ROBO2: variants seen among roughly 807,000 people sequenced by gnomAD.
The protein encoded by ROBO2 is roundabout guidance receptor 2, also known as roundabout homolog 2.
In ROBO2, 53 loss-of-function variants were observed where a neutral mutation model predicts 160.8. The ratio of observed to expected loss-of-function variants is 0.33; its 90% CI spans 0.26 to 0.41. The LOEUF (loss-of-function observed/expected upper bound fraction) is 0.41. Ranked by LOEUF, ROBO2 falls within the 10% of genes least tolerant of loss-of-function variation. The probability of loss-of-function intolerance (pLI) is 1.00; values close to 1 mark genes in which losing one functional copy is unlikely to be tolerated. For missense variants in ROBO2, 1,577 were observed against 1,722.4 expected, an observed-to-expected ratio of 0.92 and a Z score of 1.49; for synonymous variants, 664 against 611.7, an observed-to-expected ratio of 1.09 and a Z score of -1.26.
chr3:76,073,046 C>T (rs1371917083), intron 2 of ROBO2, among the ~76,000 whole-genome samples: 1 of 151,990 alleles, frequency 6.6e-6, no homozygotes, highest in East Asian at 1.9e-4. Context: ...TATTTTGTCC[C>T]TATTCTTTCC....
At chr3:76,841,673 T>G (rs150620277) in intron 2 of ROBO2, among the ~76,000 whole-genome samples, 3 of 152,210 alleles carry the variant, frequency 2.0e-5, no homozygotes, top group African/African-American at 7.2e-5. Flanking sequence ...GAGAGGACCA[T>G]TGGTGTTTTG....
At chr3:76,089,743 A>T (rs2069153120) in intron 2 of ROBO2, among the ~76,000 whole-genome samples, 1 of 152,164 alleles carries the variant, frequency 6.6e-6, no homozygotes, top group Non-Finnish European at 1.5e-5. Context: ...ACAGTGAGAA[A>T]CTCAAAGCTT....
rs142543810 is a variant in ROBO2, at chr3:76,780,396, A to G, written c.110-317618A>G. On this transcript the variant is annotated intron_variant, in intron 2 of 26. Transcript: ENST00000487694. ...TGTAGGTTGCTTTTTCATCTTGTTG[A>G]TTGTTTTATTTTCTGTGTAGAAGCT... Among the ~76,000 whole-genome samples the G allele has an allele frequency of 4.0e-5, 6 of 150,414 alleles. No homozygotes were observed. The East Asian group carries it at 1.2e-3, about 30-fold the overall frequency.
At chr3:77,046,533 C>G (rs899399427) in intron 1 of ROBO2, among the ~76,000 whole-genome samples, 1 of 152,140 alleles carries the variant, frequency 6.6e-6, no homozygotes, top group Non-Finnish European at 1.5e-5. Context: ...TTGCACAACT[C>G]TCTTATTGGT....
chr3:76,698,334 C>G (rs1380512060), intron 2 of ROBO2, among the ~76,000 whole-genome samples: 2 of 152,088 alleles, frequency 1.3e-5, no homozygotes, highest in East Asian at 3.9e-4. Context: ...TACTGTGGCT[C>G]TGTTCAGAGA....
chr3:76,539,320 C>A (rs1306290544), intron 2 of ROBO2, among the ~76,000 whole-genome samples: 3 of 151,232 alleles, frequency 2.0e-5, no homozygotes, highest in Non-Finnish European at 4.4e-5. Flanking sequence ...ATGTAACACA[C>A]CTGCCCGTTC....
chr3:76,535,706 G>A (rs1189148134), intron 2 of ROBO2, among the ~76,000 whole-genome samples: 1 of 152,090 alleles, frequency 6.6e-6, no homozygotes, highest in African/African-American at 2.4e-5. Context: ...GAGTGGGGGA[G>A]TTTTAAGAAG....
intron 2 of ROBO2, among the ~76,000 whole-genome samples, chr3:75,975,487 A>G (rs1489102): frequency 2.6e-5 from 4 of 151,272 alleles, no homozygotes; most frequent in Admixed American, 2.6e-4. Context: ...TATTTCAGTT[A>G]GTCTCTGTTT....
intron 2 of ROBO2, among the ~76,000 whole-genome samples, chr3:77,210,924 T>A (rs922767321): frequency 6.6e-6 from 1 of 152,202 alleles, no homozygotes; most frequent in African/African-American, 2.4e-5. Context: ...GAACTTATCA[T>A]TTTTTATGGC....
chr3:77,009,873 GAGGTGGAGGTTGCAGTGAGC>G (rs1463911317), intron 2 of ROBO2, among the ~76,000 whole-genome samples: 72 of 150,380 alleles, frequency 4.8e-4, no homozygotes, highest in African/African-American at 1.7e-3. Context: ...TTGAACCTGG[GAGGTGGAGGTTGCAGTGAGC>G]TGAAGTCGTG....
intron 2 of ROBO2, among the ~76,000 whole-genome samples, chr3:76,859,730 G>A (rs1159053132): frequency 1.3e-5 from 2 of 152,172 alleles, no homozygotes; most frequent in Non-Finnish European, 2.9e-5. Context: ...CCACCCAGCT[G>A]GTGGTGGCCA....
At chr3:76,349,037 C>G (rs1039352375) in intron 2 of ROBO2, among the ~76,000 whole-genome samples, 1 of 152,022 alleles carries the variant, frequency 6.6e-6, no homozygotes, top group African/African-American at 2.4e-5. Flanking sequence ...TTTCTAGTTC[C>G]TAGGGGCCTT....
chr3:76,926,896 C>T (rs2077024191), intron 2 of ROBO2, among the ~76,000 whole-genome samples: 2 of 150,888 alleles, frequency 1.3e-5, no homozygotes, highest in South Asian at 2.1e-4. Context: ...AAGAGGACTC[C>T]GTTTTTTTTC....
intron 2 of ROBO2, among the ~76,000 whole-genome samples, chr3:76,046,383 C>T (rs1011814640): frequency 2.6e-5 from 4 of 152,002 alleles, no homozygotes; most frequent in Non-Finnish European, 4.4e-5. Context: ...GGCGCGGTGG[C>T]TCATGCCTGT....
intron 2 of ROBO2, among the ~76,000 whole-genome samples, chr3:76,484,754 C>A (rs2079398645): frequency 6.6e-6 from 1 of 152,112 alleles, no homozygotes; most frequent in African/African-American, 2.4e-5. Flanking sequence ...GTAGCTAGTT[C>A]TCTGTTTGGC....
At chr3:77,162,996 A>ATT (rs66968364) in intron 2 of ROBO2, among the ~76,000 whole-genome samples, 1 of 149,042 alleles carries the variant, frequency 6.7e-6, no homozygotes, top group Admixed American at 6.7e-5. Context: ...TGCCCAGCTA[A>ATT]TTTTTTTTTT....
chr3:75,999,840 A>G (rs1019768097), intron 2 of ROBO2, among the ~76,000 whole-genome samples: 6 of 152,220 alleles, frequency 3.9e-5, no homozygotes, highest in Admixed American at 1.3e-4. Context: ...TTTGGGACAG[A>G]AAGACCTTAA....
At chr3:76,491,782 G>C (rs1215385851) in intron 2 of ROBO2, among the ~76,000 whole-genome samples, 1 of 152,014 alleles carries the variant, frequency 6.6e-6, no homozygotes, top group African/African-American at 2.4e-5. Flanking sequence ...TTTGTAGGTT[G>C]TGGGACTGGA....
At chr3:76,670,701 G>A (rs940758192) in intron 2 of ROBO2, among the ~76,000 whole-genome samples, 1 of 151,870 alleles carries the variant, frequency 6.6e-6, no homozygotes, top group African/African-American at 2.4e-5. Flanking sequence ...TTTTATAATA[G>A]AGAGTACATG....
Sources: allele counts gnomAD v4.1 joint callset (sites outside exome capture counted in the v4.1 genomes callset), GRCh38; gene constraint gnomAD v4.1.1; transcripts MANE v1.5; gene names NCBI Gene and HGNC (gene_info 2026-07-23, HGNC 2026-07-21).